The following QTGAL variants were observed in gnomAD, a reference collection of about 807,000 sequenced individuals.
The protein encoded by QTGAL is BGnT-like protein 1.
chr17:82,946,843 AAC>A, the QTGAL span: 1 of 1,476,866 alleles, frequency 6.8e-7, no homozygotes, highest in Non-Finnish European at 9.2e-7. Context: ...ATAATAAAGA[AAC>A]AAACCCAGAT....
chr17:83,000,306 A>T, the QTGAL span, among the ~76,000 whole-genome samples: 1,848 of 152,204 alleles, frequency 0.012, 44 homozygotes, highest in African/African-American at 0.042. Context: ...TGGAGGGAGG[A>T]GCTGTGCTTG....
the QTGAL span, among the ~76,000 whole-genome samples, chr17:83,047,375 G>A: frequency 0.37 from 55,114 of 148,330 alleles, 10,973 homozygotes; most frequent in East Asian, 0.58. Context: ...TATGAATCTC[G>A]GGGTGGGCAC....
At chr17:82,954,907 G>A in the QTGAL span, among the ~76,000 whole-genome samples, 1 of 152,226 alleles carries the variant, frequency 6.6e-6, no homozygotes, top group Non-Finnish European at 1.5e-5. Context: ...AGTAAATGGT[G>A]CTGGGAAAAC....
At chr17:82,985,373 T>C in the QTGAL span, among the ~76,000 whole-genome samples, 1 of 152,232 alleles carries the variant, frequency 6.6e-6, no homozygotes, top group East Asian at 1.9e-4. Context: ...TCTGTTAATG[T>C]AACAGCTGAG....
the QTGAL span, among the ~76,000 whole-genome samples, chr17:83,016,477 A>T: frequency 7.1e-3 from 1,064 of 150,128 alleles, 13 homozygotes; most frequent in African/African-American, 0.025. Context: ...AGGAGGGTGG[A>T]GAATGGAGGA....
chr17:82,956,567 G>T, the QTGAL span: 1 of 1,098,112 alleles, frequency 9.1e-7, no homozygotes, highest in Non-Finnish European at 1.3e-6. This position sits in a 1 kb window ranked among gnomAD's most constrained non-coding sequence, Gnocchi z 5.7. Context: ...TGTGGCACCT[G>T]TCCCCATGCC....
the QTGAL span, among the ~76,000 whole-genome samples, chr17:83,028,988 G>C: frequency 6.6e-6 from 1 of 152,180 alleles, no homozygotes; most frequent in Non-Finnish European, 1.5e-5. Context: ...AGGGCACGGC[G>C]TGCGGTTTCA....
chr17:82,964,021 C>A, the QTGAL span, among the ~76,000 whole-genome samples: 2 of 33,064 alleles, frequency 6.0e-5, no homozygotes, highest in African/African-American at 3.2e-4. Flanking sequence ...CTTTGGAAGG[C>A]TGAGGTCGGG....
the QTGAL span, among the ~76,000 whole-genome samples, chr17:82,954,402 A>G: frequency 2.3e-3 from 352 of 152,258 alleles, 4 homozygotes; most frequent in African/African-American, 7.9e-3. Context: ...TGCTACAAAG[A>G]AAATAAAATA....
chr17:83,044,674 C>T, the QTGAL span, among the ~76,000 whole-genome samples: 2 of 152,180 alleles, frequency 1.3e-5, no homozygotes, highest in East Asian at 1.9e-4. Context: ...CCAGGCGCGG[C>T]GGCTCACGCC....
the QTGAL span, among the ~76,000 whole-genome samples, chr17:82,971,599 C>T: frequency 9.7e-3 from 1,199 of 123,530 alleles, 40 homozygotes; most frequent in African/African-American, 0.032. Context: ...CAGAAGGACC[C>T]GGTACTGACC....
chr17:82,946,679 A>G, the QTGAL span, among the ~76,000 whole-genome samples: 1 of 152,070 alleles, frequency 6.6e-6, no homozygotes, highest in African/African-American at 2.4e-5. Context: ...GTTAATCAAA[A>G]CAGATAGAGT....
the QTGAL span, chr17:82,961,003 C>T: frequency 6.4e-7 from 1 of 1,568,782 alleles, no homozygotes. Context: ...ACCTCGGGCG[C>T]CTCCCGTGTT....
chr17:82,947,084 C>A, the QTGAL span: 2 of 975,614 alleles, frequency 2.0e-6, no homozygotes, highest in South Asian at 1.5e-5. Flanking sequence ...CCTGTGTCCA[C>A]CTGTCAAGTG....
At chr17:82,959,881 C>T in the QTGAL span, among the ~76,000 whole-genome samples, 1 of 152,044 alleles carries the variant, frequency 6.6e-6, no homozygotes, top group Non-Finnish European at 1.5e-5. Context: ...CTTCATTTTT[C>T]ACATTTTAAA....
chr17:82,942,446 C>G, the QTGAL span: 3 of 1,613,994 alleles, frequency 1.9e-6, no homozygotes, highest in Non-Finnish European at 2.5e-6. Flanking sequence ...GTCTCTTCTT[C>G]AGCCTGGTGC....
At chr17:82,998,267 A>T in the QTGAL span, among the ~76,000 whole-genome samples, 6 of 152,200 alleles carry the variant, frequency 3.9e-5, no homozygotes, top group South Asian at 2.1e-4. Flanking sequence ...ACAATAATTT[A>T]AAAAAATTTT....
chr17:83,016,882 T>G, the QTGAL span, among the ~76,000 whole-genome samples: 1 of 152,076 alleles, frequency 6.6e-6, no homozygotes, highest in African/African-American at 2.4e-5. Flanking sequence ...AGGCACCACC[T>G]AAGGGGCACG....
the QTGAL span, among the ~76,000 whole-genome samples, chr17:83,028,719 G>C: frequency 1.3e-5 from 2 of 152,146 alleles, no homozygotes; most frequent in African/African-American, 4.8e-5. Context: ...TGTTCAGCAG[G>C]TTCCTTTAAG....
Sources: allele counts gnomAD v4.1 joint callset (sites outside exome capture counted in the v4.1 genomes callset), GRCh38; gene constraint gnomAD v4.1.1; non-coding constraint Gnocchi (gnomAD v3.1); transcripts MANE v1.5; gene names NCBI Gene and HGNC (gene_info 2026-07-23, HGNC 2026-07-21).